Variants in ZDHHC15 observed in about 807,000 individuals in gnomAD.
The protein encoded by ZDHHC15 is zDHHC palmitoyltransferase 15.
Under a neutral mutation model 31.7 loss-of-function variants are expected in ZDHHC15, and 19 were observed. The ratio of observed to expected loss-of-function variants is 0.60; its 90% CI spans 0.42 to 0.88. The LOEUF (loss-of-function observed/expected upper bound fraction) is 0.88. Among genes scored for constraint, ZDHHC15 ranks in the 40% least tolerant of loss-of-function variants. The probability of loss-of-function intolerance (pLI) is 0.00; values close to 1 mark genes in which losing one functional copy is unlikely to be tolerated. For missense variants in ZDHHC15, 209 were observed against 251.2 expected, an observed-to-expected ratio of 0.83 and a Z score of 1.14; for synonymous variants, 103 against 90.0, an observed-to-expected ratio of 1.14 and a Z score of -0.82.
intron 9 of ZDHHC15, among the ~76,000 whole-genome samples, chrX:75,419,268 C>A (rs956184339): frequency 9.0e-6 from 1 of 111,636 alleles, no homozygotes; most frequent in Non-Finnish European, 1.9e-5. Context: ...AAACAAACAA[C>A]CCCATCAAAA....
chrX:75,511,624 T>C (rs1020865397), intron 1 of ZDHHC15, among the ~76,000 whole-genome samples: 1 of 105,649 alleles, frequency 9.5e-6, no homozygotes, highest in Admixed American at 1.1e-4. Context: ...GCCATTGCTT[T>C]TGGTGTTTTG....
chrX:75,414,426 C>CTTTTTTTTTTT (rs1177332052), intron 10 of ZDHHC15, among the ~76,000 whole-genome samples: 15 of 66,194 alleles, frequency 2.3e-4, no homozygotes, highest in East Asian at 5.7e-4. Flanking sequence ...CATATTTTAT[C>CTTTTTTTTTTT]TTTTTTTTTT....
intron 2 of ZDHHC15, among the ~76,000 whole-genome samples, chrX:75,489,441 G>A (rs181547280): frequency 1.5e-4 from 17 of 111,802 alleles, no homozygotes; most frequent in East Asian, 5.7e-4. Context: ...ACCAATATCC[G>A]CTGTTCTGCA....
chrX:75,429,367 A>G (rs2083751023), intron 6 of ZDHHC15, among the ~76,000 whole-genome samples, 169 bp from the exon 7 acceptor site: 1 of 111,557 alleles, frequency 9.0e-6, no homozygotes. Flanking sequence ...TGGATAAAAC[A>G]AGTTCATGTC....
intron 10 of ZDHHC15, among the ~76,000 whole-genome samples, chrX:75,408,979 A>T (rs747265832): frequency 3.6e-4 from 40 of 112,541 alleles, no homozygotes; most frequent in Non-Finnish European, 7.3e-4. Context: ...TTTCATGTGC[A>T]TGGATTGGAA....
At chrX:75,437,704 G>A (rs1349392216) in intron 4 of ZDHHC15, among the ~76,000 whole-genome samples, 1 of 106,897 alleles carries the variant, frequency 9.4e-6, no homozygotes, top group Non-Finnish European at 1.9e-5. Flanking sequence ...CATTTGGGTT[G>A]GTTCCAAGTC....
chrX:75,501,447 T>C (rs1251526177), intron 2 of ZDHHC15: 1 of 111,397 alleles, frequency 9.0e-6, no homozygotes, highest in Non-Finnish European at 1.9e-5. Context: ...TAAAATGATT[T>C]ATATTACTCG....
chrX:75,496,894 G>A (rs1298822978), intron 2 of ZDHHC15, among the ~76,000 whole-genome samples: 2 of 110,755 alleles, frequency 1.8e-5, no homozygotes, highest in Non-Finnish European at 3.8e-5. Flanking sequence ...CAAAAAGTCT[G>A]AAGAGTGCAA....
chrX:75,393,468 CA>C (rs748063553), intron 10 of ZDHHC15, among the ~76,000 whole-genome samples: 13 of 111,148 alleles, frequency 1.2e-4, no homozygotes, highest in Non-Finnish European at 1.5e-4. Context: ...CACATAAGGT[CA>C]AAAGTATTAT....
chrX:75,516,464 T>A (rs972665735), intron 1 of ZDHHC15, among the ~76,000 whole-genome samples: 6 of 112,311 alleles, frequency 5.3e-5, no homozygotes, highest in Non-Finnish European at 1.1e-4. Context: ...TTGTCAAACC[T>A]GACAAAAACA....
intron 2 of ZDHHC15, 52 bp from the exon 3 acceptor site, chrX:75,479,037 G>C: frequency 1.1e-6 from 1 of 874,867 alleles, no homozygotes; most frequent in Non-Finnish European, 1.6e-6. Flanking sequence ...CCATTTCTAA[G>C]AATTCAAAAA....
intron 10 of ZDHHC15, among the ~76,000 whole-genome samples, chrX:75,384,069 C>G (rs2083153907): frequency 9.0e-6 from 1 of 111,084 alleles, no homozygotes; most frequent in African/African-American, 3.3e-5. Flanking sequence ...CCTATTCTCT[C>G]TCCTTTTTCC....
At position 75,450,832 on chromosome X, in the gene ZDHHC15, G is replaced by A; in HGVS notation, c.349C>T (p.Leu117=). ...KQMLVDMAKK[L]PVYTRTGSGA... is the part of the protein sequence containing the mutation. ...CTTCCAGTTCTTGTGTAAACCGGTA[G>A]CTTTTTGGCCATATCAACAAGCATC... Residue 117 remains leucine, a synonymous_variant, in exon 4 of 12, where the codon CTA becomes TTA. Coordinates refer to ENST00000373367, the MANE Select transcript of ZDHHC15 (RefSeq NM_144969.3). The A allele has an allele frequency of 8.3e-7, 1 of 1,210,969 alleles. No individual in the cohort carries two copies.
At chrX:75,516,575 A>T (rs1292556718) in intron 1 of ZDHHC15, among the ~76,000 whole-genome samples, 4 of 112,402 alleles carry the variant, frequency 3.6e-5, no homozygotes, top group Non-Finnish European at 7.5e-5. Context: ...CACCTTATAC[A>T]AAAATTAATT....
intron 3 of ZDHHC15, among the ~76,000 whole-genome samples, chrX:75,456,113 T>A (rs780265061): frequency 4.5e-5 from 5 of 111,611 alleles, no homozygotes; most frequent in Non-Finnish European, 9.4e-5. Context: ...CAAATGTCCA[T>A]CAATGATAGA....
intron 1 of ZDHHC15, among the ~76,000 whole-genome samples, chrX:75,517,802 A>C (rs942250055): frequency 9.1e-6 from 1 of 110,283 alleles, no homozygotes; most frequent in Non-Finnish European, 1.9e-5. Flanking sequence ...ATTAACTCAG[A>C]ATGGCTAAAA....
chrX:75,418,585 C>A (rs763260382), intron 9 of ZDHHC15, among the ~76,000 whole-genome samples: 1 of 111,723 alleles, frequency 9.0e-6, no homozygotes, highest in Non-Finnish European at 1.9e-5. Context: ...GCTACAGTAA[C>A]AAAAATAGCA....
chrX:75,391,445 C>G (rs192291812), intron 10 of ZDHHC15, among the ~76,000 whole-genome samples: 1 of 111,102 alleles, frequency 9.0e-6, no homozygotes, highest in East Asian at 2.8e-4. Context: ...CCAAAGGTGA[C>G]AAATAAAGAA....
chrX:75,369,132 C>T lies in ZDHHC15; in HGVS notation c.*3846G>A, dbSNP rs771081186. On this transcript the variant is annotated 3_prime_UTR_variant, in exon 12 of 12. Transcript: ENST00000373367. ...ATGCCCCCTGTGCTTCTCCATAGAA[C>T]GTCTTCTGTACCGAATCTCTTAGCT... 8.0e-5 allele frequency: 9 copies of T among 112,090 alleles called. No individual in the cohort carries two copies. The South Asian group carries it at 1.5e-3, about 19-fold the overall frequency. The allele number at this position is 112,090 out of a possible 1,213,427, so 9.2% of individuals were successfully genotyped here. A position where few individuals can be genotyped will look rare whatever the true frequency, so the allele number is the denominator to read the frequency against.
Sources: gnomAD v4.1 joint callset for allele counts (sites outside exome capture counted in the v4.1 genomes callset) on GRCh38, gnomAD v4.1.1 for gene constraint, MANE v1.5 for transcripts, NCBI Gene and HGNC (gene_info 2026-07-23, HGNC 2026-07-21) for gene names.